ERICH6: variants seen among roughly 807,000 people sequenced by gnomAD.
ERICH6 encodes the protein glutamate rich 6, also known as glutamate-rich protein 6.
A neutral mutation model predicts 71.0 loss-of-function variants in ERICH6; 71 were observed. The ratio of observed to expected loss-of-function variants is 1.00; its 90% CI spans 0.83 to 1.22. ERICH6 has a LOEUF of 1.22. Among genes scored for constraint, ERICH6 ranks in the 50% most tolerant of loss-of-function variants. The pLI is 0.00. For synonymous variants in ERICH6, 262 were observed against 278.4 expected (o/e 0.94, Z 0.59); for missense variants, 808 against 797.2 (o/e 1.01, Z -0.16).
chr3:150,677,075 G>A (rs1476404020), intron 10 of ERICH6, among the ~76,000 whole-genome samples: 1 of 152,154 alleles, frequency 6.6e-6, no homozygotes, highest in Non-Finnish European at 1.5e-5. Context: ...GCCTCCCAAA[G>A]TGCTAGGATT....
At chr3:150,703,402 C>T (rs1713013759) in intron 1 of ERICH6, 94 bp downstream of exon 1, 1 of 1,448,678 alleles carries the variant, frequency 6.9e-7, no homozygotes, top group East Asian at 2.4e-5. Flanking sequence ...AGGCACGACG[C>T]GCAGGTCGAC....
At chr3:150,663,689 G>A (rs892658977) in intron 13 of ERICH6, among the ~76,000 whole-genome samples, 2 of 152,066 alleles carry the variant, frequency 1.3e-5, no homozygotes, top group Non-Finnish European at 2.9e-5. Context: ...TGTTGCCCAA[G>A]CTGGTCTCAC....
At chr3:150,684,788 CT>C (rs1712110766) in intron 6 of ERICH6, among the ~76,000 whole-genome samples, 2 of 151,980 alleles carry the variant, frequency 1.3e-5, no homozygotes, top group Non-Finnish European at 2.9e-5. Context: ...CTTTTTCTTT[CT>C]TTCTTTTTTT....
intron 12 of ERICH6, among the ~76,000 whole-genome samples, 184 bp from the exon 13 acceptor site, chr3:150,667,199 A>G (rs1004245147): frequency 6.6e-6 from 1 of 152,230 alleles, no homozygotes; most frequent in African/African-American, 2.4e-5. Flanking sequence ...AATCTGAAGT[A>G]CTGTATCCTG....
intron 3 of ERICH6, among the ~76,000 whole-genome samples, chr3:150,691,815 T>C (rs1300082257): frequency 6.6e-6 from 1 of 152,034 alleles, no homozygotes; most frequent in African/African-American, 2.4e-5. Flanking sequence ...GACTATTGGG[T>C]CTAAAAAGGA....
Position 150,666,812 on chromosome 3 carries a change from C to G in ERICH6, c.1703G>C (p.Arg568Thr), listed in dbSNP as rs1262137082. The G allele has an allele frequency of 6.2e-7, 1 of 1,614,106 alleles. No homozygotes were observed. Among genetic ancestry groups the G allele is most frequent in the South Asian group, 1.1e-5 (1 of 91,078 alleles). The change falls in exon 13 of 14, where the codon AGA becomes ACA. Residue 568 changes from arginine to threonine, a missense_variant. Coordinates refer to ENST00000295910, the MANE Select transcript of ERICH6 (RefSeq NM_152394.5). ...ITFLAMGQQARISVGTKVKLP... is the reference protein window; with the variant it reads ...ITFLAMGQQATISVGTKVKLP... ...CTTCACTTTGGTTCCAACACTGATT[C>G]TTGCCTGTTGGCCCATTGCTAGAAA...
intron 13 of ERICH6, among the ~76,000 whole-genome samples, chr3:150,665,833 A>C (rs887310795): frequency 6.2e-4 from 95 of 152,004 alleles, no homozygotes; most frequent in Non-Finnish European, 1.0e-3. Flanking sequence ...ATCTCAAAAA[A>C]AAAAAAAAAA....
intron 3 of ERICH6, among the ~76,000 whole-genome samples, chr3:150,689,985 G>A (rs1286516857): frequency 1.3e-5 from 2 of 152,102 alleles, no homozygotes; most frequent in African/African-American, 4.8e-5. Flanking sequence ...TTTAAGACAG[G>A]TGTAGTTTAG....
chr3:150,696,425 G>A (rs1043716022), intron 3 of ERICH6, among the ~76,000 whole-genome samples: 1 of 152,068 alleles, frequency 6.6e-6, no homozygotes, highest in African/African-American at 2.4e-5. Context: ...AGAATCACAA[G>A]GAAAAGATTT....
chr3:150,688,887 T>C (rs1402046133), intron 3 of ERICH6, among the ~76,000 whole-genome samples: 1 of 152,220 alleles, frequency 6.6e-6, no homozygotes, highest in Non-Finnish European at 1.5e-5. Context: ...CTTGGGCACA[T>C]GTCACCAGGA....
In ERICH6 at chr3:150,666,838, A is replaced by C; in HGVS notation, c.1677T>G (p.Thr559=). 6.2e-7 allele frequency: 1 copy of C among 1,614,162 alleles called. No individual in the cohort carries two copies. The highest frequency in any genetic ancestry group is 8.5e-7 in the Non-Finnish European group (1 of 1,180,024). The part of the protein sequence containing the change: ...RILEQDKISI[T]FLAMGQQARI... ...TTGCCTGTTGGCCCATTGCTAGAAA[A>C]GTTATAGAAATCTTGTCTTGTTCTA... The change falls in exon 13 of 14, where the codon ACT becomes ACG. Residue 559 remains threonine, a synonymous_variant. Coordinates refer to ENST00000295910, the MANE Select transcript of ERICH6 (RefSeq NM_152394.5).
chr3:150,671,553 A>G (rs1001908345), intron 11 of ERICH6, among the ~76,000 whole-genome samples: 5 of 152,162 alleles, frequency 3.3e-5, no homozygotes, highest in Admixed American at 6.6e-5. Flanking sequence ...GGATGGCAAA[A>G]TCTATCAAAG....
rs754004426 is a variant in ERICH6, at chr3:150,686,296, A to G, written c.610+2T>C. The G allele has an allele frequency of 6.2e-7, 1 of 1,614,056 alleles. No homozygotes were observed. ...AGGAGATGATGCCAAACATGTATTT[A>G]CCTCTTAACTTAGATGCCAGACATT... On this transcript the variant is annotated splice_donor_variant, in intron 4 of 13. Coordinates refer to ENST00000295910, the MANE Select transcript of ERICH6 (RefSeq NM_152394.5). LOFTEE classifies it high-confidence loss of function.
At chr3:150,678,105 A>G (rs1406182609) in intron 10 of ERICH6, among the ~76,000 whole-genome samples, 1 of 152,198 alleles carries the variant, frequency 6.6e-6, no homozygotes, top group Non-Finnish European at 1.5e-5. Context: ...GAAAATATTG[A>G]AATATTAATG....
chr3:150,669,843 T>G (rs1413028158), intron 11 of ERICH6, among the ~76,000 whole-genome samples: 1 of 152,102 alleles, frequency 6.6e-6, no homozygotes, highest in Non-Finnish European at 1.5e-5. Flanking sequence ...ATAAGAAAAC[T>G]CAATGGATTT....
Position 150,703,908 on chromosome 3 carries a change from G to T in ERICH6, c.-10C>A. ...AGCGCAAGTGGGCCATGGCTGGCGG[G>T]AGGCGGGATTACAGCCAGCTCTTTG... is the stretch of plus-strand genomic sequence containing the variant. On this transcript the variant is annotated 5_prime_UTR_variant, in exon 1 of 14. Transcript: ENST00000295910. 1 of 1,612,864 alleles carries T rather than the reference G, an allele frequency of 6.2e-7. No individual in the cohort carries two copies. The highest frequency in any genetic ancestry group is 1.3e-5 in the African/African-American group (1 of 75,050).
At chr3:150,683,330 G>T (rs1287102960) in intron 6 of ERICH6, among the ~76,000 whole-genome samples, 1 of 152,222 alleles carries the variant, frequency 6.6e-6, no homozygotes, top group African/African-American at 2.4e-5. Flanking sequence ...GCTATCAAAT[G>T]ATGGAGTAGG....
rs1354715359 is a variant in ERICH6 at position 150,685,792 on chromosome 3, A to T, written c.733T>A (p.Ser245Thr). The T allele has an allele frequency of 6.2e-7, 1 of 1,614,118 alleles. No homozygotes were observed. The highest frequency in any genetic ancestry group is 1.7e-5 in the Admixed American group (1 of 60,012). Residue 245 changes from serine (S) to threonine (T), a missense_variant, in exon 6 of 14, where the codon TCC becomes ACC. Physicochemically the swap from Ser to Thr is moderately conservative, Grantham distance 58. Coordinates refer to ENST00000295910, the MANE Select transcript of ERICH6 (RefSeq NM_152394.5). ...LRTLPSIGPP[S>T]ILAYKEESSN... The stretch of plus-strand genomic sequence containing the variant: ...CTCTCTTCTTTGTATGCCAGAATGG[A>T]TGGTGGTCCGATGCTGGGTAACGTT...
chr3:150,660,673 C>T (rs986800866), intron 13 of ERICH6, among the ~76,000 whole-genome samples: 1 of 152,242 alleles, frequency 6.6e-6, no homozygotes, highest in Non-Finnish European at 1.5e-5. Context: ...CCCACTCTCT[C>T]ACAGCTTTTG....
Sources: allele counts gnomAD v4.1 joint callset (sites outside exome capture counted in the v4.1 genomes callset), GRCh38; gene constraint gnomAD v4.1.1; transcripts MANE v1.5; gene names NCBI Gene and HGNC (gene_info 2026-07-23, HGNC 2026-07-21).